Variants in KYNU observed in about 807,000 individuals in gnomAD.
The protein encoded by KYNU is kynureninase, also known as L-kynurenine hydrolase.
In KYNU, 54 loss-of-function variants were observed where a neutral mutation model predicts 59.2. The ratio of observed to expected loss-of-function variants is 0.91; its 90% CI spans 0.73 to 1.14. KYNU has a LOEUF of 1.14. Ranked by LOEUF, KYNU falls within the 50% of genes most tolerant of loss-of-function variation. The probability of loss-of-function intolerance (pLI) is 0.00; values close to 1 mark genes in which losing one functional copy is unlikely to be tolerated. For missense variants in KYNU, 567 were observed against 554.4 expected (o/e 1.02, Z -0.23); for synonymous variants, 177 against 192.0 (o/e 0.92, Z 0.65).
chr2:142,892,168 A>C (rs1681738732), intron 2 of KYNU, among the ~76,000 whole-genome samples: 1 of 152,132 alleles, frequency 6.6e-6, no homozygotes. Flanking sequence ...CCCATCTCAG[A>C]CTCCAAAGTG....
intron 2 of KYNU, among the ~76,000 whole-genome samples, chr2:142,907,268 C>G (rs948693685): frequency 1.3e-5 from 2 of 152,146 alleles, no homozygotes; most frequent in African/African-American, 4.8e-5. Flanking sequence ...GGAATGGAAA[C>G]TTGGGCCATG....
At chr2:143,028,112 T>C (rs1478372774) in intron 10 of KYNU, among the ~76,000 whole-genome samples, 2 of 152,058 alleles carry the variant, frequency 1.3e-5, no homozygotes, top group Non-Finnish European at 2.9e-5. Context: ...AGAAGCAACA[T>C]GATATTTCTC....
intron 4 of KYNU, among the ~76,000 whole-genome samples, chr2:142,929,195 C>CATGT (rs888727505): frequency 6.6e-6 from 1 of 151,248 alleles, no homozygotes; most frequent in Non-Finnish European, 1.5e-5. Context: ...TGAACACATG[C>CATGT]ATGTAACTAC....
intron 7 of KYNU, among the ~76,000 whole-genome samples, chr2:142,960,174 A>G (rs575849975): frequency 6.6e-6 from 1 of 152,342 alleles, no homozygotes; most frequent in African/African-American, 2.4e-5. Context: ...GGCGTGAGCC[A>G]CACACCCGGC....
intron 8 of KYNU, among the ~76,000 whole-genome samples, chr2:142,978,653 C>T (rs57286802): frequency 0.063 from 9,552 of 152,196 alleles, 599 homozygotes; most frequent in East Asian, 0.21. Flanking sequence ...TCAAGGGCTG[C>T]AACCATGGTT....
At position 142,918,600 on chromosome 2, in the gene KYNU, C is replaced by G; in HGVS notation, c.170-9C>G. 2 of 1,366,508 alleles carry G rather than the reference C, an allele frequency of 1.5e-6. No individual in the cohort carries two copies. Among genetic ancestry groups the G allele is most frequent in the Non-Finnish European group, 1.9e-6 (2 of 1,028,718 alleles). The allele number at this position is 1,366,508 out of a possible 1,614,324, so 84.6% of individuals were successfully genotyped here. On this transcript the variant is annotated splice_polypyrimidine_tract_variant and intron_variant, in intron 2 of 13. Coordinates refer to ENST00000264170, the MANE Select transcript of KYNU (RefSeq NM_003937.3). ...TTTTTTTTTTTTTTTGACATTTCTT[C>G]TGTTTCAGTTGATTTATCATTAGTG...
chr2:142,968,701 C>T (rs1354182113), intron 8 of KYNU, among the ~76,000 whole-genome samples: 4 of 152,026 alleles, frequency 2.6e-5, no homozygotes, highest in Admixed American at 6.6e-5. Context: ...ATTGCGTGAG[C>T]CTAGGAGTTC....
At chr2:142,988,882 G>GTTGC in intron 10 of KYNU, 2 of 1,608,834 alleles carry the variant, frequency 1.2e-6, no homozygotes, top group Non-Finnish European at 1.7e-6. Flanking sequence ...GAATGCAACA[G>GTTGC]ATTTGGACAA....
At chr2:143,024,116 A>G (rs1287569870) in intron 10 of KYNU, among the ~76,000 whole-genome samples, 3 of 151,912 alleles carry the variant, frequency 2.0e-5, no homozygotes, top group Non-Finnish European at 4.4e-5. Flanking sequence ...CCAAAAAAAA[A>G]TGATGAGGGA....
intron 4 of KYNU, among the ~76,000 whole-genome samples, chr2:142,945,824 G>C (rs2105061654): frequency 6.7e-6 from 1 of 150,232 alleles, no homozygotes. Flanking sequence ...TGCAACCTCT[G>C]CCTCCCAGGT....
At chr2:142,960,592 A>G (rs1684308762) in intron 7 of KYNU, 32 bp from the exon 8 acceptor site, 2 of 1,594,818 alleles carry the variant, frequency 1.3e-6, no homozygotes, top group Non-Finnish European at 1.7e-6. Flanking sequence ...ATTATTATCG[A>G]TATGACCTAA....
At chr2:142,883,664 C>T (rs1477797390) in intron 1 of KYNU, among the ~76,000 whole-genome samples, 1 of 152,182 alleles carries the variant, frequency 6.6e-6, no homozygotes, top group African/African-American at 2.4e-5. Flanking sequence ...TCCAGGTCTT[C>T]ACATGATGTA....
At chr2:143,025,343 CTGAA>C (rs1377989511) in intron 10 of KYNU, among the ~76,000 whole-genome samples, 1 of 152,014 alleles carries the variant, frequency 6.6e-6, no homozygotes, top group Admixed American at 6.6e-5. Context: ...TTGTTCGTCA[CTGAA>C]TGTGTTGAAT....
At chr2:143,007,447 T>C (rs200410249) in intron 10 of KYNU, among the ~76,000 whole-genome samples, 5,077 of 129,186 alleles carry the variant, frequency 0.039, 75 homozygotes, top group East Asian at 0.11. Context: ...TACCTGAAAG[T>C]GATGGGGAGA....
At chr2:143,003,700 C>T (rs1036635378) in intron 10 of KYNU, among the ~76,000 whole-genome samples, 7 of 151,708 alleles carry the variant, frequency 4.6e-5, no homozygotes, top group African/African-American at 1.7e-4. Context: ...TTCTGTAAAC[C>T]AGATGATATG....
At chr2:142,991,164 G>T (rs1472328299) in intron 10 of KYNU, among the ~76,000 whole-genome samples, 1 of 151,832 alleles carries the variant, frequency 6.6e-6, no homozygotes, top group Admixed American at 6.6e-5. Context: ...TTTGTTCAGG[G>T]GAACACTGAC....
chr2:143,000,032 C>A (rs913416653), intron 10 of KYNU, among the ~76,000 whole-genome samples: 1 of 152,054 alleles, frequency 6.6e-6, no homozygotes, highest in Non-Finnish European at 1.5e-5. Context: ...TATTAATACT[C>A]TATATCCAAA....
At position 143,047,251 on chromosome 2, in the gene KYNU, A is replaced by G. The variant is rs1687180180; in HGVS notation, c.*5079A>G. 6.6e-6 allele frequency: 1 copy of G among 152,002 alleles called. No individual in the cohort carries two copies. Among genetic ancestry groups the G allele is most frequent in the African/African-American group, 2.4e-5 (1 of 41,390 alleles). 9.4% of individuals were successfully genotyped at this position (152,002 alleles called of 1,614,324 possible). A position where few individuals can be genotyped will look rare whatever the true frequency, so the allele number is the denominator to read the frequency against. ...GGCTCATTTTTAAGTGTTAAGTTAA[A>G]AAAAGTTGTAGAAACAGTGTTTTGC... On this transcript the variant is annotated 3_prime_UTR_variant, in exon 14 of 14. Coordinates refer to ENST00000264170, the MANE Select transcript of KYNU (RefSeq NM_003937.3).
At chr2:142,918,838 C>T in intron 3 of KYNU, 109 bp downstream of exon 3, 2 of 1,222,348 alleles carry the variant, frequency 1.6e-6, no homozygotes, top group Non-Finnish European at 2.4e-6. Flanking sequence ...CTAGTACAGT[C>T]ATCCCTTGGC....
Sources: allele counts gnomAD v4.1 joint callset (sites outside exome capture counted in the v4.1 genomes callset), GRCh38; gene constraint gnomAD v4.1.1; transcripts MANE v1.5; gene names NCBI Gene and HGNC (gene_info 2026-07-23, HGNC 2026-07-21).